ZBTB37: variants seen among roughly 807,000 people sequenced by gnomAD.
ZBTB37 encodes the protein zinc finger and BTB domain-containing protein 37.
Under a neutral mutation model 37.7 loss-of-function variants are expected in ZBTB37, and 15 were observed. The observed-to-expected ratio is 0.40, with a 90% CI of 0.27 to 0.61. The LOEUF (loss-of-function observed/expected upper bound fraction) is 0.61. Among genes scored for constraint, ZBTB37 ranks in the 20% least tolerant of loss-of-function variants. The pLI, the probability that ZBTB37 is intolerant of heterozygous loss-of-function variation, is 0.44. For missense variants in ZBTB37, 514 were observed against 641.9 expected (o/e 0.80, Z 2.15); for synonymous variants, 231 against 220.6 (o/e 1.05, Z -0.42).
chr1:173,886,101 G>T, exon 5 of ZBTB37: 1 of 1,551,460 alleles, frequency 6.4e-7, no homozygotes, highest in South Asian at 1.2e-5. Flanking sequence ...CCAGGGCTCT[G>T]TGTCCACCAC....
At chr1:173,900,606 C>T (rs1657217380) in exon 4 of ZBTB37, 1 of 152,184 alleles carries the variant, frequency 6.6e-6, no homozygotes, top group Non-Finnish European at 1.5e-5. Flanking sequence ...ATATTGCTTA[C>T]AAGTACGTGG....
rs149738147 is a variant in ZBTB37, at chr1:173,870,249, A to G, written c.24A>G (p.Gln8=). The G allele has an allele frequency of 1.7e-5, 27 of 1,613,222 alleles. No individual in the cohort carries two copies. The African/African-American group carries it at 2.8e-4, about 17-fold the overall frequency. ...CCATGGAGAAAGGTGGGAACATACA[A>G]TTGGAGATTCCTGACTTCAGCAACT... Residue 8 remains glutamine, a synonymous_variant, in exon 3 of 5, where the codon CAA becomes CAG. Coordinates refer to ENST00000427304, the Ensembl canonical transcript of ZBTB37.
chr1:173,875,890 C>T (rs771075653), intron 4 of ZBTB37, among the ~76,000 whole-genome samples: 3 of 152,002 alleles, frequency 2.0e-5, no homozygotes, highest in Non-Finnish European at 2.9e-5. Flanking sequence ...AACTCTTGGA[C>T]TCAAGCAATC....
chr1:173,885,751 A>G (rs1283345074), exon 5 of ZBTB37: 10 of 1,551,502 alleles, frequency 6.4e-6, no homozygotes, highest in Non-Finnish European at 8.7e-6. Context: ...TATTGCGCCA[A>G]ATCTTTCAAC....
exon 4 of ZBTB37, chr1:173,893,338 T>C (rs1048067592): frequency 2.6e-5 from 4 of 152,260 alleles, no homozygotes; most frequent in Non-Finnish European, 5.9e-5. Context: ...TCCTCTTCTA[T>C]GAAATCACCT....
chr1:173,869,668 T>G (rs142778594), intron 2 of ZBTB37, among the ~76,000 whole-genome samples: 1 of 152,224 alleles, frequency 6.6e-6, no homozygotes, highest in African/African-American at 2.4e-5. Context: ...GCTCTGATTC[T>G]TAAGCTTAGA....
chr1:173,881,549 G>A (rs1057450592), intron 4 of ZBTB37, among the ~76,000 whole-genome samples: 14 of 152,138 alleles, frequency 9.2e-5, no homozygotes, highest in Non-Finnish European at 1.5e-5. Flanking sequence ...CACAATGGTT[G>A]AACTAGTTTA....
chr1:173,875,053 C>T (rs893611926), intron 4 of ZBTB37, among the ~76,000 whole-genome samples: 1 of 151,078 alleles, frequency 6.6e-6, no homozygotes, highest in Admixed American at 6.6e-5. Flanking sequence ...AAAATAATCC[C>T]AGAAAACCAC....
intron 4 of ZBTB37, among the ~76,000 whole-genome samples, chr1:173,881,733 G>T (rs1251060163): frequency 1.3e-5 from 2 of 152,086 alleles, no homozygotes; most frequent in Non-Finnish European, 2.9e-5. Context: ...TCATGTGTCT[G>T]TTGGCTTCAT....
intron 2 of ZBTB37, among the ~76,000 whole-genome samples, chr1:173,869,992 T>C (rs1318414983): frequency 2.6e-5 from 4 of 152,234 alleles, no homozygotes; most frequent in African/African-American, 9.6e-5. Flanking sequence ...AGATCACTTT[T>C]TAGTTTTAAC....
chr1:173,895,247 A>T (rs976999169), exon 4 of ZBTB37: 1 of 152,124 alleles, frequency 6.6e-6, no homozygotes, highest in African/African-American at 2.4e-5. Context: ...GGGACTCCAG[A>T]CGTGTGCCAC....
chr1:173,880,591 G>A (rs1011807954), intron 4 of ZBTB37, among the ~76,000 whole-genome samples: 2 of 152,224 alleles, frequency 1.3e-5, no homozygotes, highest in Non-Finnish European at 2.9e-5. Context: ...ATGTCCCTGT[G>A]CTTACAACAG....
intron 3 of ZBTB37, 39 bp downstream of exon 3, chr1:173,871,187 A>G (rs1037922150): frequency 1.8e-5 from 28 of 1,524,904 alleles, no homozygotes; most frequent in Non-Finnish European, 2.3e-5. Flanking sequence ...TGTAATGGCT[A>G]TTGTGTAGAC....
chr1:173,894,051 C>G (rs1023802657), exon 4 of ZBTB37: 1 of 152,116 alleles, frequency 6.6e-6, no homozygotes, highest in Admixed American at 6.5e-5. Flanking sequence ...ATGTGTAATT[C>G]AAGAGTAAGT....
downstream of ZBTB37, chr1:173,889,570 A>G (rs1416885470): frequency 6.6e-6 from 1 of 152,228 alleles, no homozygotes; most frequent in African/African-American, 2.4e-5. Flanking sequence ...CTATTTTCAT[A>G]CTAAGATGTT....
At chr1:173,892,931 C>A (rs978392736) in exon 4 of ZBTB37, 1 of 152,330 alleles carries the variant, frequency 6.6e-6, no homozygotes, top group Non-Finnish European at 1.5e-5. Flanking sequence ...AAGACAGAGT[C>A]TTGGTCTGTC....
At chr1:173,875,333 T>A (rs202058205) in intron 4 of ZBTB37, among the ~76,000 whole-genome samples, 46,182 of 141,878 alleles carry the variant, frequency 0.33, 7,904 homozygotes, top group East Asian at 0.47. Flanking sequence ...TATATATATT[T>A]TTTTTTTTTT....
chr1:173,881,980 G>A (rs886955561), intron 4 of ZBTB37, among the ~76,000 whole-genome samples: 2 of 151,668 alleles, frequency 1.3e-5, no homozygotes, highest in Non-Finnish European at 2.9e-5. Context: ...CGTGAACCCG[G>A]GAGGCAGAGC....
intron 3 of ZBTB37, among the ~76,000 whole-genome samples, chr1:173,871,666 T>C (rs1310675904): frequency 2.6e-5 from 4 of 152,258 alleles, no homozygotes; most frequent in Non-Finnish European, 5.9e-5. Flanking sequence ...AAAAGCGTTA[T>C]GGATATTTTT....
Sources: allele counts gnomAD v4.1 joint callset (sites outside exome capture counted in the v4.1 genomes callset), GRCh38; gene constraint gnomAD v4.1.1; transcripts MANE v1.5; gene names NCBI Gene and HGNC (gene_info 2026-07-23, HGNC 2026-07-21).